Variants in GRID2 observed in about 807,000 individuals in gnomAD.
The protein encoded by GRID2 is glutamate receptor ionotropic, delta-2.
Under a neutral mutation model 114.8 loss-of-function variants are expected in GRID2, and 33 were observed. That is an observed-to-expected ratio of 0.29 (90% CI 0.22 to 0.38). The LOEUF is 0.38. GRID2 is among the 10% of genes least tolerant of loss of function. The pLI is 1.00. For missense variants in GRID2, 1,184 were observed against 1,257.7 expected (o/e 0.94, Z 0.89); for synonymous variants, 505 against 449.9 (o/e 1.12, Z -1.55).
chr4:93,572,051 G>C (rs757999595), intron 13 of GRID2, among the ~76,000 whole-genome samples: 38 of 152,110 alleles, frequency 2.5e-4, no homozygotes, highest in Non-Finnish European at 5.1e-4. Context: ...ATGGTTGCTG[G>C]TTGGCCTTCC....
chr4:92,933,059 A>C (rs1231147584), intron 2 of GRID2, among the ~76,000 whole-genome samples: 2 of 150,932 alleles, frequency 1.3e-5, no homozygotes, highest in South Asian at 2.1e-4. Context: ...TATACTTAAA[A>C]ACCTCTCCAT....
At chr4:92,565,947 C>T (rs1322248620) in intron 1 of GRID2, among the ~76,000 whole-genome samples, 1 of 151,958 alleles carries the variant, frequency 6.6e-6, no homozygotes, top group East Asian at 1.9e-4. Flanking sequence ...TGGTTCTCTC[C>T]TCAGGGTATC....
chr4:93,676,844 G>A (rs1017399908), intron 14 of GRID2, among the ~76,000 whole-genome samples: 2 of 151,954 alleles, frequency 1.3e-5, no homozygotes, highest in East Asian at 1.9e-4. Flanking sequence ...CTCCTAGTGT[G>A]AGCGATGCAG....
At chr4:93,421,518 A>G (rs943719425) in intron 9 of GRID2, among the ~76,000 whole-genome samples, 26 of 152,180 alleles carry the variant, frequency 1.7e-4, no homozygotes, top group African/African-American at 4.8e-4. Flanking sequence ...TGTTACAAAT[A>G]CCACAATATC....
intron 2 of GRID2, among the ~76,000 whole-genome samples, chr4:93,033,118 C>A (rs1724590264): frequency 6.6e-6 from 1 of 152,092 alleles, no homozygotes; most frequent in Non-Finnish European, 1.5e-5. Context: ...TAGACCTATG[C>A]ATATTAATTT....
At chr4:93,344,052 C>T (rs1200307061) in intron 8 of GRID2, among the ~76,000 whole-genome samples, 4 of 151,906 alleles carry the variant, frequency 2.6e-5, no homozygotes, top group Non-Finnish European at 4.4e-5. Context: ...AAATGAAGAC[C>T]TTTCCAAAGT....
At chr4:92,928,175 T>C (rs542136366) in intron 2 of GRID2, among the ~76,000 whole-genome samples, 2 of 151,820 alleles carry the variant, frequency 1.3e-5, no homozygotes, top group South Asian at 4.1e-4. Flanking sequence ...AAACCACCAG[T>C]CTATTTTATT....
At chr4:92,330,578 A>G (rs929458580) in intron 1 of GRID2, among the ~76,000 whole-genome samples, 7 of 152,204 alleles carry the variant, frequency 4.6e-5, no homozygotes, top group African/African-American at 1.7e-4. Context: ...TTTTATTCAT[A>G]GAGACAATAA....
intron 14 of GRID2, among the ~76,000 whole-genome samples, chr4:93,728,195 T>A (rs959208657): frequency 4.6e-5 from 7 of 152,226 alleles, no homozygotes; most frequent in African/African-American, 1.7e-4. Flanking sequence ...GTCTTTGTTC[T>A]CGTTGGTTTC....
chr4:92,794,693 T>C (rs1161567797), intron 2 of GRID2, among the ~76,000 whole-genome samples: 1 of 151,240 alleles, frequency 6.6e-6, no homozygotes, highest in Non-Finnish European at 1.5e-5. Context: ...AATAGAGATA[T>C]CCAAATTCTG....
chr4:93,331,986 G>A (rs938813716), intron 8 of GRID2, among the ~76,000 whole-genome samples: 21 of 152,130 alleles, frequency 1.4e-4, no homozygotes, highest in African/African-American at 4.3e-4. Context: ...GTCAGAGCTC[G>A]ATACTTACAA....
intron 4 of GRID2, among the ~76,000 whole-genome samples, chr4:93,133,954 G>A (rs1503214): frequency 0.39 from 58,769 of 151,734 alleles, 11,679 homozygotes; most frequent in Admixed American, 0.54. Flanking sequence ...GCTTCACATA[G>A]CAACTGAAAA....
chr4:92,439,540 C>T (rs376117609), intron 1 of GRID2, among the ~76,000 whole-genome samples: 4,073 of 149,848 alleles, frequency 0.027, 154 homozygotes, highest in African/African-American at 0.083. Context: ...GGATTAGGGG[C>T]GGCGTGGGAA....
chr4:92,627,090 T>C (rs1050262916), intron 2 of GRID2, among the ~76,000 whole-genome samples: 22 of 152,096 alleles, frequency 1.4e-4, no homozygotes, highest in Non-Finnish European at 1.5e-5. Context: ...TATGAAGACA[T>C]TTTGCAGAAT....
chr4:92,529,278 A>T (rs562090219), intron 1 of GRID2, among the ~76,000 whole-genome samples: 13 of 151,542 alleles, frequency 8.6e-5, no homozygotes, highest in East Asian at 5.8e-4. Context: ...ATGTAGTGAG[A>T]GAGAGAGAGA....
intron 8 of GRID2, among the ~76,000 whole-genome samples, chr4:93,297,245 G>A (rs575723268): frequency 6.6e-6 from 1 of 152,224 alleles, no homozygotes; most frequent in East Asian, 1.9e-4. Context: ...TACATGTGTA[G>A]GTGCTCAATA....
intron 2 of GRID2, among the ~76,000 whole-genome samples, chr4:92,608,522 A>G (rs1729570305): frequency 6.6e-6 from 1 of 151,832 alleles, no homozygotes; most frequent in African/African-American, 2.4e-5. Flanking sequence ...CCCAAGTTTT[A>G]TAATATAAAA....
intron 2 of GRID2, among the ~76,000 whole-genome samples, chr4:92,984,782 T>TC (rs1172381594): frequency 6.6e-6 from 1 of 152,046 alleles, no homozygotes; most frequent in East Asian, 1.9e-4. Context: ...TTTTTTTTTT[T>TC]CCCAGTCTTG....
At chr4:92,847,237 A>C (rs1348112618) in intron 2 of GRID2, among the ~76,000 whole-genome samples, 1 of 151,962 alleles carries the variant, frequency 6.6e-6, no homozygotes, top group African/African-American at 2.4e-5. Context: ...GCCTTGCCTA[A>C]ATTTTTGCTG....
Sources: allele counts gnomAD v4.1 joint callset (sites outside exome capture counted in the v4.1 genomes callset), GRCh38; gene constraint gnomAD v4.1.1; transcripts MANE v1.5; gene names NCBI Gene and HGNC (gene_info 2026-07-23, HGNC 2026-07-21).